Variants in SLAIN2 observed in about 807,000 individuals in gnomAD.
SLAIN2 encodes the protein SLAIN family member 2.
A neutral mutation model predicts 56.6 loss-of-function variants in SLAIN2; 31 were observed. The observed-to-expected ratio is 0.55, with a 90% CI of 0.41 to 0.74. The LOEUF (loss-of-function observed/expected upper bound fraction) is 0.74, where lower values mean the gene tolerates loss of function less well. Ranked by LOEUF, SLAIN2 falls within the 30% of genes least tolerant of loss-of-function variation. SLAIN2 has a pLI of 0.00. For synonymous variants in SLAIN2, 317 were observed against 284.9 expected (o/e 1.11, Z -1.13); for missense variants, 777 against 754.2 (o/e 1.03, Z -0.35).
At position 48,341,608 on chromosome 4, in the gene SLAIN2, G is replaced by T; in HGVS notation, c.-132G>T. The T allele has an allele frequency of 7.6e-7, 1 of 1,317,712 alleles. No homozygotes were observed. Among genetic ancestry groups the T allele is most frequent in the Non-Finnish European group, 9.8e-7 (1 of 1,015,752 alleles). 81.6% of individuals were successfully genotyped at this position (1,317,712 alleles called of 1,614,324 possible). On this transcript the variant is annotated 5_prime_UTR_variant, in exon 1 of 8. Transcript: ENST00000264313. ...AACCCGAGGTGGGGGGACCCTGGCG[G>T]TGGGGCCTGGTCCTGCTATATGCCG...
At position 48,418,541 on chromosome 4, in the gene SLAIN2, A is replaced by G. The variant is rs557814982; in HGVS notation, c.1361-1584A>G. 1.2e-3 allele frequency among the ~76,000 whole-genome samples: 179 copies of G among 152,080 alleles called. 1 individual carries two copies. The highest frequency in any genetic ancestry group is 4.2e-3 in the African/African-American group (173 of 41,488). On this transcript the variant is annotated intron_variant, in intron 6 of 7. Transcript: ENST00000264313. ...TATAAATCTATTTATATATTGCTGGATTCTATTTTCTAATATTTTTTTAAG... is the reference window on the plus strand; with the variant it reads ...TATAAATCTATTTATATATTGCTGGGTTCTATTTTCTAATATTTTTTTAAG...
rs557498187 is a variant in SLAIN2 at position 48,347,309 on chromosome 4, G to C, written c.389+5181G>C. Among the ~76,000 whole-genome samples, 11 of 152,098 alleles carry C rather than the reference G, an allele frequency of 7.2e-5. No individual in the cohort carries two copies. In the South Asian group the frequency reaches 1.7e-3, roughly 23 times the overall value. ...GGGGTATAATCTACAGCTCACTGCAGCTTCAGTACCACCCCCCCTCCCCCA... is the reference window on the plus strand; with the variant it reads ...GGGGTATAATCTACAGCTCACTGCACCTTCAGTACCACCCCCCCTCCCCCA... On this transcript the variant is annotated intron_variant, in intron 1 of 7. Transcript: ENST00000264313.
intron 6 of SLAIN2, chr4:48,394,427 T>C (rs1478777948): frequency 1.7e-6 from 1 of 590,948 alleles, no homozygotes; most frequent in Non-Finnish European, 2.9e-6. Flanking sequence ...TAAAATTCTT[T>C]TGCTTCTAGG....
intron 1 of SLAIN2, among the ~76,000 whole-genome samples, chr4:48,356,127 C>G (rs1715147510): frequency 1.3e-5 from 2 of 152,114 alleles, no homozygotes; most frequent in East Asian, 3.8e-4. Context: ...GCATTATCAT[C>G]TTGGATTTGA....
chr4:48,393,630 G>C (rs1716290394), intron 6 of SLAIN2, among the ~76,000 whole-genome samples: 1 of 152,130 alleles, frequency 6.6e-6, no homozygotes, highest in Non-Finnish European at 1.5e-5. Flanking sequence ...GCTAGGTTTA[G>C]AGTGACAAGA....
intron 4 of SLAIN2, among the ~76,000 whole-genome samples, chr4:48,380,593 T>C (rs1715945006): frequency 6.6e-6 from 1 of 152,192 alleles, no homozygotes; most frequent in African/African-American, 2.4e-5. Flanking sequence ...TAATACTTTT[T>C]AAAGGGTTCA....
chr4:48,396,821 C>T (rs1240805906), intron 6 of SLAIN2, among the ~76,000 whole-genome samples: 1 of 152,086 alleles, frequency 6.6e-6, no homozygotes, highest in Non-Finnish European at 1.5e-5. Flanking sequence ...AATATAGTCA[C>T]TTTGATTTTA....
At chr4:48,361,095 T>C (rs1193471611) in intron 1 of SLAIN2, among the ~76,000 whole-genome samples, 1 of 152,226 alleles carries the variant, frequency 6.6e-6, no homozygotes, top group Non-Finnish European at 1.5e-5. Context: ...AAAGATTCTT[T>C]CTTAAAACAT....
chr4:48,408,530 C>CAG, intron 6 of SLAIN2, among the ~76,000 whole-genome samples: 1 of 109,004 alleles, frequency 9.2e-6, no homozygotes, highest in South Asian at 3.3e-4. Context: ...CCGTTTTTAG[C>CAG]AAAAAAAAAA....
intron 6 of SLAIN2, among the ~76,000 whole-genome samples, chr4:48,389,764 A>T (rs182388073): frequency 4.8e-4 from 73 of 152,326 alleles, no homozygotes; most frequent in African/African-American, 1.7e-3. Context: ...AGGGTGTATG[A>T]TGGGTAAGGG....
intron 1 of SLAIN2, among the ~76,000 whole-genome samples, chr4:48,342,538 G>A (rs1714741846): frequency 6.6e-6 from 1 of 152,112 alleles, no homozygotes; most frequent in South Asian, 2.1e-4. Context: ...TGCTTGATGA[G>A]GTATCACCAG....
chr4:48,413,390 T>TC (rs1716916291), intron 6 of SLAIN2, among the ~76,000 whole-genome samples: 1 of 152,340 alleles, frequency 6.6e-6, no homozygotes, highest in East Asian at 1.9e-4. Context: ...TGTGGTAATT[T>TC]CCCTTATCCA....
intron 2 of SLAIN2, among the ~76,000 whole-genome samples, chr4:48,374,701 A>G (rs1254726151): frequency 6.6e-6 from 1 of 152,216 alleles, no homozygotes; most frequent in Non-Finnish European, 1.5e-5. Context: ...GAGTGAATGT[A>G]GGATGCCTTT....
chr4:48,348,956 T>TTTC (rs1420852277), intron 1 of SLAIN2, among the ~76,000 whole-genome samples: 1 of 152,238 alleles, frequency 6.6e-6, no homozygotes, highest in Non-Finnish European at 1.5e-5. Context: ...AATTTACTTT[T>TTTC]TTCCTAGATT....
At chr4:48,418,530 T>C (rs962343980) in intron 6 of SLAIN2, among the ~76,000 whole-genome samples, 2 of 152,196 alleles carry the variant, frequency 1.3e-5, no homozygotes, top group Non-Finnish European at 2.9e-5. Flanking sequence ...AATCTATTTA[T>C]ATATTGCTGG....
chr4:48,370,570 T>C (rs1700003314), intron 2 of SLAIN2, among the ~76,000 whole-genome samples: 1 of 152,282 alleles, frequency 6.6e-6, no homozygotes, highest in Admixed American at 6.5e-5. Context: ...TCCCTTGTTA[T>C]GTAAAACTAC....
At chr4:48,400,061 A>G (rs1716507428) in intron 6 of SLAIN2, among the ~76,000 whole-genome samples, 1 of 152,192 alleles carries the variant, frequency 6.6e-6, no homozygotes. Flanking sequence ...TGTTTGGAAT[A>G]GTTTCAGTAG....
At chr4:48,345,170 G>T (rs1714829143) in intron 1 of SLAIN2, among the ~76,000 whole-genome samples, 1 of 152,112 alleles carries the variant, frequency 6.6e-6, no homozygotes, top group African/African-American at 2.4e-5. Flanking sequence ...AGACTATGCT[G>T]TTCCCACAGT....
chr4:48,368,873 A>ATGTT (rs1184344575), intron 1 of SLAIN2, among the ~76,000 whole-genome samples: 1 of 152,232 alleles, frequency 6.6e-6, no homozygotes, highest in Non-Finnish European at 1.5e-5. Flanking sequence ...GAGACAAGTG[A>ATGTT]TGGAAAAGGT....
Sources: gnomAD v4.1 joint callset for allele counts (sites outside exome capture counted in the v4.1 genomes callset) on GRCh38, gnomAD v4.1.1 for gene constraint, MANE v1.5 for transcripts, NCBI Gene and HGNC (gene_info 2026-07-23, HGNC 2026-07-21) for gene names.